ZNRF3: variants seen among roughly 807,000 people sequenced by gnomAD.
The protein encoded by ZNRF3 is E3 ubiquitin-protein ligase ZNRF3.
A neutral mutation model predicts 72.5 loss-of-function variants in ZNRF3; 23 were observed. That is an observed-to-expected ratio of 0.32 (90% CI 0.23 to 0.45). ZNRF3 has a LOEUF of 0.45. ZNRF3 is among the 20% of genes least tolerant of loss of function. ZNRF3 has a pLI of 1.00. For missense variants in ZNRF3, 1,169 were observed against 1,272.1 expected (o/e 0.92, Z 1.23); for synonymous variants, 610 against 545.3 (o/e 1.12, Z -1.65).
chr22:28,942,491 T>G (rs2034965797), intron 1 of ZNRF3, among the ~76,000 whole-genome samples: 1 of 152,202 alleles, frequency 6.6e-6, no homozygotes, highest in African/African-American at 2.4e-5. Flanking sequence ...AGAAAGAACT[T>G]TGGCCTGGGA....
intron 2 of ZNRF3, chr22:29,018,540 G>A (rs138735935): frequency 1.7e-4 from 26 of 154,380 alleles, no homozygotes; most frequent in Non-Finnish European, 3.3e-4. Context: ...ATTAGATAGG[G>A]GAGTGTGTAT....
At chr22:29,043,181 G>A in intron 3 of ZNRF3, 118 bp from the exon 4 acceptor site, 1 of 1,178,292 alleles carries the variant, frequency 8.5e-7, no homozygotes, top group Non-Finnish European at 1.2e-6. Flanking sequence ...CTGTAATGTT[G>A]GAAGAGCTGG....
Position 28,920,874 on chromosome 22 carries a change from C to A in ZNRF3, c.300+36808C>A, listed in dbSNP as rs145411747. ...GCACTTACTTCAAGGGGCTTGAGATCCTGTGCTTGACCCTCCTTAGCTCAT... is the reference window on the plus strand; with the variant it reads ...GCACTTACTTCAAGGGGCTTGAGATACTGTGCTTGACCCTCCTTAGCTCAT... On this transcript the variant is annotated intron_variant, in intron 1 of 8. Coordinates refer to ENST00000544604, the MANE Select transcript of ZNRF3 (RefSeq NM_001206998.2). 7.7e-3 allele frequency among the ~76,000 whole-genome samples: 1,170 copies of A among 152,316 alleles called. 17 individuals are homozygous for A. Among genetic ancestry groups the A allele is most frequent in the African/African-American group, 0.027 (1,131 of 41,566 alleles).
intron 1 of ZNRF3, among the ~76,000 whole-genome samples, chr22:28,914,602 G>A (rs2034377513): frequency 6.7e-6 from 1 of 149,768 alleles, no homozygotes; most frequent in African/African-American, 2.5e-5. Context: ...ATCACCTGAA[G>A]TCAGGAGTTT....
intron 1 of ZNRF3, among the ~76,000 whole-genome samples, chr22:28,887,303 A>G (rs1385161319): frequency 6.6e-6 from 1 of 151,340 alleles, no homozygotes; most frequent in African/African-American, 2.4e-5. Context: ...ATACCTTATC[A>G]TAGTCTGGTT....
intron 1 of ZNRF3, among the ~76,000 whole-genome samples, chr22:28,947,388 G>A (rs1021163452): frequency 6.6e-6 from 1 of 152,062 alleles, no homozygotes; most frequent in Admixed American, 6.6e-5. Context: ...GGAATTGCTG[G>A]GTCATATTTG....
chr22:29,038,520 A>T (rs1016744792), intron 2 of ZNRF3, among the ~76,000 whole-genome samples: 13 of 151,774 alleles, frequency 8.6e-5, no homozygotes, highest in Admixed American at 7.9e-4. Context: ...TTTTGTGGAG[A>T]CAGTCTTGCT....
chr22:29,004,833 C>T (rs1044540225), intron 2 of ZNRF3, among the ~76,000 whole-genome samples: 3 of 152,204 alleles, frequency 2.0e-5, no homozygotes, highest in Non-Finnish European at 4.4e-5. Flanking sequence ...AGGCCCGACT[C>T]TACTGATCTG....
chr22:28,906,814 G>A (rs1291259172), intron 1 of ZNRF3, among the ~76,000 whole-genome samples: 1 of 152,134 alleles, frequency 6.6e-6, no homozygotes, highest in Admixed American at 6.6e-5. Context: ...CAGCAGATAT[G>A]TATTGAGTGC....
At chr22:28,931,116 C>T (rs1031179559) in intron 1 of ZNRF3, among the ~76,000 whole-genome samples, 1 of 152,162 alleles carries the variant, frequency 6.6e-6, no homozygotes, top group Non-Finnish European at 1.5e-5. Flanking sequence ...AAGAAGTAGT[C>T]ATTTCAGTGC....
In ZNRF3 at chr22:29,055,156, G is replaced by T. The variant is rs1037607682; in HGVS notation, c.*1534G>T. 1 of 152,692 alleles carries T rather than the reference G, an allele frequency of 6.5e-6. No individual in the cohort carries two copies. Among genetic ancestry groups the T allele is most frequent in the South Asian group, 2.1e-4 (1 of 4,814 alleles). The allele number at this position is 152,692 out of a possible 1,614,324, so 9.5% of individuals were successfully genotyped here. A position where few individuals can be genotyped will look rare whatever the true frequency, so the allele number is the denominator to read the frequency against. The stretch of plus-strand genomic sequence containing the variant: ...CTATTTAAAGCTATTTCAGATCAGG[G>T]ATTGTCATCCTTTTTTGTCCAATGT... On this transcript the variant is annotated 3_prime_UTR_variant, in exon 9 of 9. Coordinates refer to ENST00000544604, the MANE Select transcript of ZNRF3 (RefSeq NM_001206998.2).
intron 1 of ZNRF3, among the ~76,000 whole-genome samples, chr22:28,979,109 T>C (rs1477229150): frequency 6.6e-6 from 1 of 152,164 alleles, no homozygotes. Context: ...ATTTTTGTTG[T>C]TATTTGTTTG....
intron 1 of ZNRF3, among the ~76,000 whole-genome samples, chr22:28,980,934 G>T (rs140987545): frequency 6.6e-6 from 1 of 151,952 alleles, no homozygotes; most frequent in African/African-American, 2.4e-5. Context: ...AAATAATAAG[G>T]CAAAAACATA....
chr22:29,035,606 C>T (rs373455237), intron 2 of ZNRF3, among the ~76,000 whole-genome samples: 35 of 152,202 alleles, frequency 2.3e-4, no homozygotes, highest in East Asian at 7.7e-4. Context: ...GACGGAGTCT[C>T]GCTCTGTCGC....
At chr22:28,943,826 G>A (rs2034996516) in intron 1 of ZNRF3, among the ~76,000 whole-genome samples, 1 of 152,046 alleles carries the variant, frequency 6.6e-6, no homozygotes, top group African/African-American at 2.4e-5. Flanking sequence ...TTCTCCCAAA[G>A]CATTAAGTTT....
In ZNRF3 at chr22:29,007,644, T is replaced by C. The variant is rs567586030; in HGVS notation, c.426+20443T>C. On this transcript the variant is annotated intron_variant, in intron 2 of 8. Coordinates refer to ENST00000544604, the MANE Select transcript of ZNRF3 (RefSeq NM_001206998.2). The stretch of plus-strand genomic sequence containing the variant: ...ACCTCATCTCTAGAAAACAAATCTC[T>C]CCTATAGCTTTTAATTTGCTCCTGA... 1.3e-4 allele frequency among the ~76,000 whole-genome samples: 20 copies of C among 151,724 alleles called. No individual in the cohort carries two copies. The South Asian group carries it at 3.8e-3, about 29-fold the overall frequency.
chr22:28,900,955 A>T (rs536423272), intron 1 of ZNRF3, among the ~76,000 whole-genome samples: 26 of 151,852 alleles, frequency 1.7e-4, no homozygotes, highest in African/African-American at 4.1e-4. Context: ...AATTTTTTTT[A>T]AAAAAATTAG....
intron 2 of ZNRF3, among the ~76,000 whole-genome samples, chr22:29,002,236 T>C (rs1965283754): frequency 6.6e-6 from 1 of 152,198 alleles, no homozygotes; most frequent in Admixed American, 6.5e-5. Flanking sequence ...CTCCTCCCAT[T>C]TTTAGCTAAT....
chr22:28,928,786 G>A (rs1004328989), intron 1 of ZNRF3, among the ~76,000 whole-genome samples: 1 of 151,996 alleles, frequency 6.6e-6, no homozygotes, highest in Non-Finnish European at 1.5e-5. Context: ...GTGAGCCACC[G>A]CGCCCGGCCC....
Sources: gnomAD v4.1 joint callset for allele counts (sites outside exome capture counted in the v4.1 genomes callset) on GRCh38, gnomAD v4.1.1 for gene constraint, MANE v1.5 for transcripts, NCBI Gene and HGNC (gene_info 2026-07-23, HGNC 2026-07-21) for gene names.